The following SGMS1 variants were observed in gnomAD, a reference collection of about 807,000 sequenced individuals.
SGMS1 encodes sphingomyelin synthase 1.
Under a neutral mutation model 46.2 loss-of-function variants are expected in SGMS1, and 13 were observed. That is an observed-to-expected ratio of 0.28 (90% CI 0.18 to 0.45). The LOEUF (loss-of-function observed/expected upper bound fraction) is 0.45, where lower values mean the gene tolerates loss of function less well. Ranked by LOEUF, SGMS1 falls within the 20% of genes least tolerant of loss-of-function variation. SGMS1 has a pLI of 1.00. For synonymous variants in SGMS1, 203 were observed against 187.8 expected (o/e 1.08, Z -0.66); for missense variants, 324 against 519.9 (o/e 0.62, Z 3.66).
At chr10:50,456,683 C>T (rs1837195132) in intron 5 of SGMS1, among the ~76,000 whole-genome samples, 1 of 152,136 alleles carries the variant, frequency 6.6e-6, no homozygotes, top group African/African-American at 2.4e-5. Flanking sequence ...TAGCTGCTGA[C>T]CCAGGGTTTG....
At chr10:50,405,924 T>C (rs1849008157) in intron 6 of SGMS1, among the ~76,000 whole-genome samples, 1 of 152,206 alleles carries the variant, frequency 6.6e-6, no homozygotes, top group Non-Finnish European at 1.5e-5. Flanking sequence ...CCCCTAGTGA[T>C]GTCACTATGA....
intron 8 of SGMS1, among the ~76,000 whole-genome samples, chr10:50,319,577 T>G (rs1259726698): frequency 3.3e-5 from 5 of 152,228 alleles, no homozygotes; most frequent in African/African-American, 1.2e-4. Context: ...TACTACAGTT[T>G]GTCAGTCTTT....
chr10:50,425,443 C>T (rs1048887601), intron 6 of SGMS1, among the ~76,000 whole-genome samples: 14 of 152,168 alleles, frequency 9.2e-5, no homozygotes, highest in Non-Finnish European at 2.1e-4. Flanking sequence ...ATGTCCTTTG[C>T]AGCAACATGG....
At chr10:50,518,997 TG>T (rs1837834014) in intron 3 of SGMS1, among the ~76,000 whole-genome samples, 1 of 152,150 alleles carries the variant, frequency 6.6e-6, no homozygotes, top group Admixed American at 6.5e-5. Flanking sequence ...ACAGATAAAC[TG>T]TGATCAATTC....
intron 7 of SGMS1, among the ~76,000 whole-genome samples, chr10:50,331,511 CAT>C (rs766760772): frequency 2.8e-4 from 42 of 152,300 alleles, no homozygotes; most frequent in African/African-American, 3.9e-4. Context: ...TCTAAAATTA[CAT>C]GTGTCCATTT....
chr10:50,501,304 A>G (rs1837659430), intron 3 of SGMS1, among the ~76,000 whole-genome samples: 1 of 152,222 alleles, frequency 6.6e-6, no homozygotes, highest in Admixed American at 6.5e-5. Flanking sequence ...ACAAGTCCAC[A>G]AACTCTATCA....
intron 5 of SGMS1, among the ~76,000 whole-genome samples, chr10:50,446,968 A>G (rs1418254653): frequency 6.6e-6 from 1 of 152,216 alleles, no homozygotes; most frequent in Non-Finnish European, 1.5e-5. Context: ...CAAAAATAGA[A>G]GGTGTGTGTG....
At chr10:50,620,617 T>C (rs1198396846) in intron 1 of SGMS1, among the ~76,000 whole-genome samples, 2 of 152,186 alleles carry the variant, frequency 1.3e-5, no homozygotes, top group African/African-American at 4.8e-5. Context: ...AGTACATCTT[T>C]AGGAGAAGAA....
chr10:50,473,351 T>C (rs1251992285), intron 3 of SGMS1, among the ~76,000 whole-genome samples: 2 of 152,232 alleles, frequency 1.3e-5, no homozygotes, highest in East Asian at 3.8e-4. Context: ...CTGGATTCTT[T>C]TTAGATATGG....
intron 1 of SGMS1, among the ~76,000 whole-genome samples, chr10:50,622,170 C>T (rs1051740180): frequency 3.9e-5 from 6 of 152,236 alleles, no homozygotes; most frequent in African/African-American, 1.4e-4. Context: ...AATCACCAAA[C>T]ATCCCTGGGC....
intron 6 of SGMS1, among the ~76,000 whole-genome samples, chr10:50,429,578 A>ATTGTCCTT (rs1196292616): frequency 6.6e-6 from 1 of 152,108 alleles, no homozygotes; most frequent in Non-Finnish European, 1.5e-5. Flanking sequence ...TCTTTTCCAA[A>ATTGTCCTT]TTGTCCTTAA....
chr10:50,516,979 T>C (rs1402257274), intron 3 of SGMS1, among the ~76,000 whole-genome samples: 1 of 152,154 alleles, frequency 6.6e-6, no homozygotes, highest in Non-Finnish European at 1.5e-5. Context: ...TAACTATGAA[T>C]ACCAGCAATG....
At position 50,311,296 on chromosome 10, in the gene SGMS1, G is replaced by T; in HGVS notation, c.861C>A (p.Val287=). The part of the protein sequence containing the change: ...CGDYLYSGHT[V]MLTLTYLFIK... ...TAAATAAGTAGGTAAGTGTTAGCAT[G>T]ACCGTGTGGCCGCTGTACAGATAGT... The change falls in exon 9 of 11, where the codon GTC becomes GTA. Residue 287 remains valine (V), a synonymous_variant. Transcript: ENST00000361781. 1.2e-6 allele frequency: 2 copies of T among 1,613,928 alleles called. No homozygotes were observed. The highest frequency in any genetic ancestry group is 2.2e-5 in the South Asian group (2 of 91,046).
rs529883163 is a variant in SGMS1 at position 50,551,449 on chromosome 10, T to C, written c.-588-31528A>G. On this transcript the variant is annotated intron_variant, in intron 2 of 10. Coordinates refer to ENST00000361781, the MANE Select transcript of SGMS1 (RefSeq NM_147156.4). Reference sequence around the variant, plus strand: ...AGAGACATGGCAACTAGATGTAATGTGGAATACTGAATGGGATCATGGAAG... The same window carrying C: ...AGAGACATGGCAACTAGATGTAATGCGGAATACTGAATGGGATCATGGAAG... Among the ~76,000 whole-genome samples, 3 of 148,166 alleles carry C rather than the reference T, an allele frequency of 2.0e-5. No homozygotes were observed. The East Asian group carries it at 5.9e-4, about 29-fold the overall frequency.
intron 3 of SGMS1, among the ~76,000 whole-genome samples, chr10:50,492,475 G>C (rs896501439): frequency 6.6e-6 from 1 of 152,142 alleles, no homozygotes; most frequent in African/African-American, 2.4e-5. Context: ...CAAAATCAAT[G>C]TGCAAAAATC....
intron 3 of SGMS1, among the ~76,000 whole-genome samples, chr10:50,497,634 A>AT (rs1320321592): frequency 6.6e-6 from 1 of 152,134 alleles, no homozygotes; most frequent in Non-Finnish European, 1.5e-5. Context: ...CTCTACTAAA[A>AT]ATACAAAAAA....
intron 1 of SGMS1, among the ~76,000 whole-genome samples, chr10:50,596,272 G>GT (rs1272619322): frequency 6.6e-6 from 1 of 151,594 alleles, no homozygotes; most frequent in Non-Finnish European, 1.5e-5. Context: ...CGCCTCCCTG[G>GT]TTCAAGCGAT....
chr10:50,481,943 T>G (rs1837481061), intron 3 of SGMS1, among the ~76,000 whole-genome samples: 1 of 152,186 alleles, frequency 6.6e-6, no homozygotes, highest in Non-Finnish European at 1.5e-5. Flanking sequence ...AAGACTATTT[T>G]GCTGAAATAA....
chr10:50,609,083 C>G (rs939025558), intron 1 of SGMS1, among the ~76,000 whole-genome samples: 1 of 152,120 alleles, frequency 6.6e-6, no homozygotes, highest in Non-Finnish European at 1.5e-5. Flanking sequence ...CTCCCAGGCT[C>G]AAGCGATCCT....
Sources: gnomAD v4.1 joint callset for allele counts (sites outside exome capture counted in the v4.1 genomes callset) on GRCh38, gnomAD v4.1.1 for gene constraint, MANE v1.5 for transcripts, NCBI Gene and HGNC (gene_info 2026-07-23, HGNC 2026-07-21) for gene names.